Variants in ASTN2 observed in about 807,000 individuals in gnomAD.
ASTN2 encodes astrotactin-2.
In ASTN2, 54 loss-of-function variants were observed where a neutral mutation model predicts 139.8. That is an observed-to-expected ratio of 0.39 (90% CI 0.31 to 0.48). The LOEUF (loss-of-function observed/expected upper bound fraction) is 0.48. ASTN2 is among the 20% of genes least tolerant of loss of function. The pLI is 0.95. For synonymous variants in ASTN2, 756 were observed against 719.5 expected (o/e 1.05, Z -0.81); for missense variants, 1,565 against 1,725.1 (o/e 0.91, Z 1.64).
chr9:116,757,387 T>G (rs1330314521), intron 13 of ASTN2, among the ~76,000 whole-genome samples: 1 of 152,182 alleles, frequency 6.6e-6, no homozygotes, highest in Admixed American at 6.5e-5. Context: ...CCTGGCCCAC[T>G]GGGATCACGG....
At chr9:116,871,377 A>C (rs1430676278) in intron 10 of ASTN2, among the ~76,000 whole-genome samples, 1 of 152,256 alleles carries the variant, frequency 6.6e-6, no homozygotes, top group East Asian at 1.9e-4. Context: ...TAAAGTGTAC[A>C]GTTTAAGCAG....
At chr9:116,557,774 T>C (rs1232711710) in intron 19 of ASTN2, 1 of 152,228 alleles carries the variant, frequency 6.6e-6, no homozygotes, top group Non-Finnish European at 1.5e-5. Flanking sequence ...TCTTCTGTCT[T>C]TGAGCAATTA....
At chr9:116,984,212 G>C (rs1163285151) in intron 7 of ASTN2, among the ~76,000 whole-genome samples, 1 of 152,138 alleles carries the variant, frequency 6.6e-6, no homozygotes, top group Non-Finnish European at 1.5e-5. Context: ...CCACTGGCCT[G>C]GTTCAGGCCC....
At chr9:116,772,574 T>G (rs1383953008) in intron 13 of ASTN2, among the ~76,000 whole-genome samples, 1 of 152,210 alleles carries the variant, frequency 6.6e-6, no homozygotes, top group African/African-American at 2.4e-5. Flanking sequence ...GTCAGGTAAA[T>G]GCCAACCATG....
chr9:117,388,092 A>T (rs1241119360), intron 1 of ASTN2, among the ~76,000 whole-genome samples: 1 of 152,032 alleles, frequency 6.6e-6, no homozygotes, highest in Non-Finnish European at 1.5e-5. Context: ...TTTTTACAGC[A>T]CTCTTCACAG....
chr9:116,719,735 T>C (rs892071713), intron 16 of ASTN2, among the ~76,000 whole-genome samples: 1 of 151,970 alleles, frequency 6.6e-6, no homozygotes, highest in African/African-American at 2.4e-5. Flanking sequence ...AAACTTCACT[T>C]ACTAATGTTG....
chr9:116,916,259 T>A (rs1023904809), intron 10 of ASTN2, among the ~76,000 whole-genome samples: 3 of 152,132 alleles, frequency 2.0e-5, no homozygotes, highest in Non-Finnish European at 4.4e-5. Flanking sequence ...CAAAGCAAGA[T>A]CACATCTCCT....
chr9:117,299,143 G>A (rs997067185), intron 1 of ASTN2, among the ~76,000 whole-genome samples: 1 of 152,012 alleles, frequency 6.6e-6, no homozygotes, highest in Non-Finnish European at 1.5e-5. Context: ...ATAAACAGCT[G>A]GAAAAAAAAT....
chr9:116,805,154 G>GA (rs1355176595), intron 13 of ASTN2, among the ~76,000 whole-genome samples: 2 of 144,198 alleles, frequency 1.4e-5, no homozygotes, highest in African/African-American at 5.1e-5. Context: ...AGGCAGACAG[G>GA]AAAAAACAGA....
intron 1 of ASTN2, among the ~76,000 whole-genome samples, chr9:117,331,908 C>T (rs925342267): frequency 6.6e-6 from 1 of 152,126 alleles, no homozygotes; most frequent in East Asian, 1.9e-4. Context: ...CCTCTCTCCT[C>T]AACAACCCTC....
intron 6 of ASTN2, among the ~76,000 whole-genome samples, chr9:117,026,434 T>C (rs945138871): frequency 9.2e-5 from 14 of 152,164 alleles, no homozygotes; most frequent in African/African-American, 3.1e-4. Context: ...CTCAACTCAA[T>C]TGGGCTTCTT....
chr9:117,136,078 A>C (rs1829944146), intron 4 of ASTN2, among the ~76,000 whole-genome samples: 1 of 152,166 alleles, frequency 6.6e-6, no homozygotes, highest in Non-Finnish European at 1.5e-5. Context: ...TATCTCTGTG[A>C]GGTAATAATA....
chr9:116,695,960 A>C (rs1163128460), intron 16 of ASTN2, among the ~76,000 whole-genome samples: 1 of 152,128 alleles, frequency 6.6e-6, no homozygotes, highest in Non-Finnish European at 1.5e-5. Context: ...CCCCCACCAT[A>C]ATCCACTCAC....
At chr9:117,132,889 A>C (rs1298807629) in intron 4 of ASTN2, among the ~76,000 whole-genome samples, 1 of 152,168 alleles carries the variant, frequency 6.6e-6, no homozygotes, top group Non-Finnish European at 1.5e-5. Context: ...TGCTTTAAAG[A>C]AGGATTTCCA....
At chr9:117,217,126 A>G (rs981978061) in intron 2 of ASTN2, among the ~76,000 whole-genome samples, 18 of 152,044 alleles carry the variant, frequency 1.2e-4, no homozygotes, top group Non-Finnish European at 2.5e-4. Context: ...AGGGAAGGGG[A>G]GGAGGAGGAA....
intron 4 of ASTN2, among the ~76,000 whole-genome samples, chr9:117,128,011 A>C (rs13297106): frequency 0.29 from 44,360 of 151,714 alleles, 6,681 homozygotes; most frequent in East Asian, 0.48. Context: ...GTGAACAGGG[A>C]GTTAGGGAAT....
intron 17 of ASTN2, among the ~76,000 whole-genome samples, chr9:116,627,226 A>C (rs539826960): frequency 6.6e-6 from 1 of 152,350 alleles, no homozygotes; most frequent in South Asian, 2.1e-4. Context: ...GTCATGTCAA[A>C]AATTGCCTGG....
chr9:116,777,874 G>GACTCTT (rs1244100608), intron 13 of ASTN2, among the ~76,000 whole-genome samples: 1 of 3,772 alleles, frequency 2.7e-4, no homozygotes, highest in African/African-American at 3.3e-4. Context: ...TTTTGACATG[G>GACTCTT]AGTCTGTTGT....
intron 13 of ASTN2, among the ~76,000 whole-genome samples, chr9:116,753,738 T>C (rs1829461562): frequency 6.9e-6 from 1 of 144,020 alleles, no homozygotes; most frequent in Non-Finnish European, 1.5e-5. Flanking sequence ...ATTCTATTGT[T>C]ACAAAGTGGG....
Sources: allele counts gnomAD v4.1 joint callset (sites outside exome capture counted in the v4.1 genomes callset), GRCh38; gene constraint gnomAD v4.1.1; transcripts MANE v1.5; gene names NCBI Gene and HGNC (gene_info 2026-07-23, HGNC 2026-07-21).